Variants in FGGY observed in about 807,000 individuals in gnomAD.
FGGY encodes FGGY carbohydrate kinase domain containing.
Under a neutral mutation model 71.3 loss-of-function variants are expected in FGGY, and 72 were observed. The ratio of observed to expected loss-of-function variants is 1.01; its 90% CI spans 0.84 to 1.23. The LOEUF (loss-of-function observed/expected upper bound fraction) is 1.23, where lower values mean the gene tolerates loss of function less well. Among genes scored for constraint, FGGY ranks in the 50% most tolerant of loss-of-function variants. The pLI is 0.00. For synonymous variants in FGGY, 251 were observed against 250.3 expected, an observed-to-expected ratio of 1.00 and a Z score of -0.02; for missense variants, 668 against 682.3, an observed-to-expected ratio of 0.98 and a Z score of 0.23.
chr1:59,735,829 C>A (rs1055620643), intron 14 of FGGY, among the ~76,000 whole-genome samples: 4 of 152,156 alleles, frequency 2.6e-5, no homozygotes, highest in African/African-American at 9.7e-5. Flanking sequence ...ATGCATTATG[C>A]AGGAGATGGA....
intron 10 of FGGY, among the ~76,000 whole-genome samples, chr1:59,627,756 A>C (rs1263586631): frequency 2.0e-5 from 3 of 152,090 alleles, no homozygotes; most frequent in Non-Finnish European, 2.9e-5. Flanking sequence ...TGCCAGAAAG[A>C]AAAAAGTTAC....
chr1:59,306,503 C>A (rs2043459370), intron 1 of FGGY, among the ~76,000 whole-genome samples: 1 of 152,164 alleles, frequency 6.6e-6, no homozygotes, highest in African/African-American at 2.4e-5. Flanking sequence ...TACCAGAACC[C>A]AAAAGGAGAA....
rs2097719695 is a variant in FGGY, at chr1:59,702,724, A to G, written c.1512+28591A>G. Among the ~76,000 whole-genome samples the G allele has an allele frequency of 6.6e-5, 10 of 152,288 alleles. No homozygotes were observed. The South Asian group carries it at 2.1e-3, about 32-fold the overall frequency. ...ATCTTCAAACCCGTAAAGTGGAACT[A>G]TGCCAGGCAATGTCTAAATTTAGTC... On this transcript the variant is annotated intron_variant, in intron 14 of 15. Transcript: ENST00000303721.
chr1:59,672,676 G>A (rs1281058578), intron 13 of FGGY, among the ~76,000 whole-genome samples: 1 of 152,184 alleles, frequency 6.6e-6, no homozygotes, highest in Non-Finnish European at 1.5e-5. Flanking sequence ...GTAGCTGGAG[G>A]AAAGAATTGA....
At chr1:59,328,198 G>A (rs1051724857) in intron 2 of FGGY, among the ~76,000 whole-genome samples, 1 of 152,148 alleles carries the variant, frequency 6.6e-6, no homozygotes. Flanking sequence ...TCCAATATAA[G>A]GCTGTTTTGC....
intron 8 of FGGY, among the ~76,000 whole-genome samples, chr1:59,586,776 A>G (rs1429444198): frequency 5.3e-5 from 8 of 152,198 alleles, no homozygotes; most frequent in Non-Finnish European, 1.0e-4. Context: ...TGACACATTG[A>G]AGGACTTCTT....
intron 4 of FGGY, among the ~76,000 whole-genome samples, chr1:59,356,396 C>T (rs1371518304): frequency 2.0e-5 from 3 of 152,090 alleles, no homozygotes; most frequent in Admixed American, 6.6e-5. Context: ...CTTCCTTCAC[C>T]AGGAAAACTT....
At chr1:59,397,403 C>T (rs1312802589) in intron 5 of FGGY, among the ~76,000 whole-genome samples, 2 of 152,178 alleles carry the variant, frequency 1.3e-5, no homozygotes, top group Non-Finnish European at 1.5e-5. Context: ...AGTGAAACTT[C>T]CTGAATAACA....
intron 10 of FGGY, among the ~76,000 whole-genome samples, chr1:59,637,693 T>C (rs2096975362): frequency 6.6e-6 from 1 of 152,226 alleles, no homozygotes; most frequent in South Asian, 2.1e-4. Context: ...ACTGCATTTA[T>C]GACATTCAGT....
intron 10 of FGGY, among the ~76,000 whole-genome samples, chr1:59,633,919 C>T (rs1050561876): frequency 6.6e-6 from 1 of 151,882 alleles, no homozygotes; most frequent in Non-Finnish European, 1.5e-5. Context: ...GAGAAACAGC[C>T]AAAGAGGAGG....
chr1:59,366,429 T>C (rs938606186), intron 4 of FGGY, among the ~76,000 whole-genome samples: 6 of 151,780 alleles, frequency 4.0e-5, no homozygotes, highest in African/African-American at 1.5e-4. Flanking sequence ...CCGGAAGCCT[T>C]TAGAAAAGCC....
In FGGY at chr1:59,735,351, C is replaced by T. The variant is rs140095294; in HGVS notation, c.1513-22580C>T. On this transcript the variant is annotated intron_variant, in intron 14 of 15. Transcript: ENST00000303721. ...ATCCAACCTTCCATTTTTCTCCAACCTCTTTAGCTCATGAGGAAGATTTAC... is the reference window on the plus strand; with the variant it reads ...ATCCAACCTTCCATTTTTCTCCAACTTCTTTAGCTCATGAGGAAGATTTAC... Among the ~76,000 whole-genome samples, 25 of 152,302 alleles carry T rather than the reference C, an allele frequency of 1.6e-4. 1 individual carries two copies. The highest frequency in any genetic ancestry group is 6.0e-4 in the African/African-American group (25 of 41,560).
At chr1:59,323,922 C>T (rs886223258) in intron 2 of FGGY, among the ~76,000 whole-genome samples, 9 of 151,966 alleles carry the variant, frequency 5.9e-5, no homozygotes, top group Non-Finnish European at 8.8e-5. Context: ...GCGGGGGAGG[C>T]GCTTCTTGGG....
At chr1:59,640,830 T>A (rs950951622) in intron 11 of FGGY, among the ~76,000 whole-genome samples, 1 of 151,086 alleles carries the variant, frequency 6.6e-6, no homozygotes, top group Non-Finnish European at 1.5e-5. Context: ...AATTGTATCA[T>A]AATTATGAGA....
At chr1:59,590,245 T>C (rs2096403570) in intron 8 of FGGY, among the ~76,000 whole-genome samples, 1 of 152,080 alleles carries the variant, frequency 6.6e-6, no homozygotes, top group Admixed American at 6.6e-5. Flanking sequence ...CAAGAAGAAG[T>C]TGAATCTCTG....
At chr1:59,759,629 C>A (rs2098325808) in intron 15 of FGGY, among the ~76,000 whole-genome samples, 1 of 152,228 alleles carries the variant, frequency 6.6e-6, no homozygotes, top group Admixed American at 6.5e-5. Flanking sequence ...ACACACGGTG[C>A]TTTAGCACCA....
intron 2 of FGGY, among the ~76,000 whole-genome samples, chr1:59,336,966 C>T (rs990709408): frequency 2.0e-5 from 3 of 146,694 alleles, no homozygotes; most frequent in African/African-American, 8.0e-5. Context: ...TCCAGAGGGA[C>T]AAGGCCAGTA....
chr1:59,320,017 T>C (rs1188528449), intron 1 of FGGY, among the ~76,000 whole-genome samples: 1 of 152,184 alleles, frequency 6.6e-6, no homozygotes, highest in Non-Finnish European at 1.5e-5. Flanking sequence ...TGAAAACTGG[T>C]GCTAATGGTC....
At chr1:59,337,050 T>C (rs1570583833) in intron 2 of FGGY, among the ~76,000 whole-genome samples, 1 of 69,800 alleles carries the variant, frequency 1.4e-5, no homozygotes, top group Non-Finnish European at 3.3e-5. Flanking sequence ...TATATAGTCA[T>C]ATATATATAT....
Sources: gnomAD v4.1 joint callset for allele counts (sites outside exome capture counted in the v4.1 genomes callset) on GRCh38, gnomAD v4.1.1 for gene constraint, MANE v1.5 for transcripts, NCBI Gene and HGNC (gene_info 2026-07-23, HGNC 2026-07-21) for gene names.